The following L3MBTL1 variants were observed in gnomAD, a reference collection of about 807,000 sequenced individuals.
L3MBTL1 encodes lethal(3)malignant brain tumor-like protein 1.
In L3MBTL1, 75 loss-of-function variants were observed where a neutral mutation model predicts 105.3. The ratio of observed to expected loss-of-function variants is 0.71; its 90% CI spans 0.59 to 0.86. L3MBTL1 has a LOEUF of 0.86. L3MBTL1 is among the 40% of genes least tolerant of loss of function. The pLI, the probability that L3MBTL1 is intolerant of heterozygous loss-of-function variation, is 0.00. For missense variants in L3MBTL1, 1,069 were observed against 1,126.4 expected (o/e 0.95, Z 0.73); for synonymous variants, 452 against 436.2 (o/e 1.04, Z -0.45).
chr20:43,550,951 C>G (rs142373547), exon 19 of L3MBTL1: 2 of 152,150 alleles, frequency 1.3e-5, no homozygotes, highest in South Asian at 4.1e-4. Flanking sequence ...ACAACTGATA[C>G]GCAGCCAGAG....
chr20:43,515,350 A>G lies in L3MBTL1; in HGVS notation c.712A>G (p.Met238Val), dbSNP rs763554403. 1.4e-5 allele frequency: 22 copies of G among 1,576,128 alleles called. No individual in the cohort carries two copies. Among genetic ancestry groups the G allele is most frequent in the Non-Finnish European group, 1.8e-5 (21 of 1,159,422 alleles). Residue 238 changes from methionine (M) to valine (V), a missense_variant, in exon 6 of 22, where the codon ATG becomes GTG. Transcript: ENST00000418998. The part of the protein sequence containing the change: ...STSASELLKP[M>V]KKRKRREYQS... ...CAGCGCTTCTGAGCTCCTCAAACCC[A>G]TGAAGAAGAGGAAGCGCAGGGAATA...
At chr20:43,514,266 G>A in intron 3 of L3MBTL1, 1 of 777,594 alleles carries the variant, frequency 1.3e-6, no homozygotes, top group Non-Finnish European at 2.0e-6. Flanking sequence ...GCGTGGCTTG[G>A]AGTGAGGCAC....
chr20:43,514,302 G>A, intron 3 of L3MBTL1: 1 of 870,090 alleles, frequency 1.1e-6, no homozygotes, highest in East Asian at 2.7e-5. Context: ...GTGGGTGTCT[G>A]GGGGCGTGGC....
Position 43,534,356 on chromosome 20 carries a change from G to A in L3MBTL1, c.1672G>A (p.Val558Met), listed in dbSNP as rs369441284. 8.9e-5 allele frequency: 143 copies of A among 1,614,022 alleles called. No individual in the cohort carries two copies. The highest frequency in any genetic ancestry group is 1.1e-4 in the Non-Finnish European group (126 of 1,180,024). Residue 558 changes from valine (V) to methionine (M), a missense_variant, in exon 15 of 22, where the codon GTG becomes ATG. Coordinates refer to ENST00000418998, the MANE Select transcript of L3MBTL1 (RefSeq NM_001377303.1). ...VDRRNPALIR[V>M]ASVEDVEDHR... The stretch of plus-strand genomic sequence containing the variant: ...CCGCAGGAACCCAGCCCTGATTCGC[G>A]TGGCCAGCGTGGAGGATGTGGAGGA...
intron 16 of L3MBTL1, among the ~76,000 whole-genome samples, 197 bp from the exon 17 acceptor site, chr20:43,535,640 T>C (rs1568926710): frequency 6.6e-6 from 1 of 152,154 alleles, no homozygotes; most frequent in Non-Finnish European, 1.5e-5. Flanking sequence ...AGTATTAACA[T>C]ATGAGAGCTA....
At chr20:43,509,861 CTATTTATT>C (rs951060871) in intron 1 of L3MBTL1, among the ~76,000 whole-genome samples, 70 of 152,180 alleles carry the variant, frequency 4.6e-4, no homozygotes, top group African/African-American at 1.3e-3. Context: ...AAGATTAACT[CTATTTATT>C]TATTTATTTA....
At chr20:43,546,599 G>T (rs1371666667), downstream of L3MBTL1, among the ~76,000 whole-genome samples, 1 of 152,036 alleles carries the variant, frequency 6.6e-6, no homozygotes, top group Non-Finnish European at 1.5e-5. Flanking sequence ...AGCATAGGAG[G>T]GATGGCGTCT....
intron 19 of L3MBTL1, among the ~76,000 whole-genome samples, chr20:43,537,391 C>G (rs1431856645): frequency 6.6e-6 from 1 of 152,234 alleles, no homozygotes; most frequent in Non-Finnish European, 1.5e-5. Flanking sequence ...GGTCTTTCTT[C>G]TGTGCACAAG....
intron 3 of L3MBTL1, chr20:43,514,401 G>T: frequency 6.9e-7 from 1 of 1,439,130 alleles, no homozygotes; most frequent in South Asian, 1.5e-5. Flanking sequence ...TGGGAGCCTG[G>T]GGGCGTGGCT....
intron 4 of L3MBTL1, 101 bp from the exon 5 acceptor site, chr20:43,514,908 G>T: frequency 2.7e-6 from 4 of 1,486,056 alleles, no homozygotes; most frequent in Admixed American, 2.1e-5. Flanking sequence ...CATCCGATGC[G>T]GAGATGGACC....
At chr20:43,532,486 G>A (rs2019390623) in intron 11 of L3MBTL1, 1 of 351,990 alleles carries the variant, frequency 2.8e-6, no homozygotes, top group African/African-American at 2.1e-5. Context: ...TTTATACTTG[G>A]TTCACCAGGT....
intron 7 of L3MBTL1, among the ~76,000 whole-genome samples, chr20:43,522,613 C>T (rs1382789070): frequency 6.6e-6 from 1 of 150,484 alleles, no homozygotes; most frequent in Non-Finnish European, 1.5e-5. Context: ...GCTGAGACTA[C>T]AGGCGCACAC....
chr20:43,534,067 G>C lies in L3MBTL1; in HGVS notation c.1573G>C (p.Ala525Pro). 1.2e-6 allele frequency: 2 copies of C among 1,614,012 alleles called. No individual in the cohort carries two copies. The highest frequency in any genetic ancestry group is 1.7e-6 in the Non-Finnish European group (2 of 1,179,896). The change falls in exon 14 of 22, where the codon GCT becomes CCT. Residue 525 changes from alanine to proline, a missense_variant. By Grantham distance (27) the Ala-to-Pro change is conservative. Coordinates refer to ENST00000418998, the MANE Select transcript of L3MBTL1 (RefSeq NM_001377303.1). ...EKYLEETGAS[A>P]VPTWAFKVRP... Reference sequence around the variant, plus strand: ...ATATCTGGAAGAAACTGGGGCCTCTGCTGTCCCCACCTGGGCCTTCAAGGT... The same window carrying C: ...ATATCTGGAAGAAACTGGGGCCTCTCCTGTCCCCACCTGGGCCTTCAAGGT...
Position 43,515,117 on chromosome 20 carries a change from T to A in L3MBTL1, c.611T>A (p.Leu204His). ...CCTCACCAAGCCGCGGGTCCAGATC[T>A]TGGTTCCTCTAATGATGGCTGCCCT... Reference protein sequence around the residue: ...CGPHQAAGPDLGSSNDGCPQL... With the variant: ...CGPHQAAGPDHGSSNDGCPQL... Residue 204 changes from leucine (L) to histidine (H), a missense_variant, in exon 5 of 22, where the codon CTT (leucine) becomes CAT (histidine). Coordinates refer to ENST00000418998, the MANE Select transcript of L3MBTL1 (RefSeq NM_001377303.1). 11 of 1,614,118 alleles carry A rather than the reference T, an allele frequency of 6.8e-6. No homozygotes were observed. Among genetic ancestry groups the A allele is most frequent in the Non-Finnish European group, 9.3e-6 (11 of 1,180,002 alleles).
At chr20:43,520,831 A>G (rs1283494774) in intron 7 of L3MBTL1, among the ~76,000 whole-genome samples, 5 of 152,240 alleles carry the variant, frequency 3.3e-5, no homozygotes, top group Non-Finnish European at 1.5e-5. Flanking sequence ...AGTACCAGAC[A>G]TGGATCAGCA....
At chr20:43,510,095 C>T (rs1287148167) in intron 1 of L3MBTL1, among the ~76,000 whole-genome samples, 1 of 152,096 alleles carries the variant, frequency 6.6e-6, no homozygotes, top group African/African-American at 2.4e-5. Context: ...GAACTCCTGG[C>T]CTCAAGTGAT....
intron 10 of L3MBTL1, 141 bp from the exon 11 acceptor site, chr20:43,530,657 T>C: frequency 1.2e-6 from 1 of 838,968 alleles, no homozygotes; most frequent in Non-Finnish European, 2.0e-6. Context: ...CCTGCTTCAG[T>C]AGTGGGGAAT....
Position 43,530,619 on chromosome 20 carries a change from G to T in L3MBTL1, c.1193-179G>T, listed in dbSNP as rs968271227. The T allele has an allele frequency of 9.1e-6, 7 of 772,440 alleles. No homozygotes were observed. In the African/African-American group the frequency reaches 1.2e-4, roughly 14 times the overall value. 47.8% of individuals were successfully genotyped at this position (772,440 alleles called of 1,614,324 possible). A position where few individuals can be genotyped will look rare whatever the true frequency, so the allele number is the denominator to read the frequency against. ...GCCCTAGAACTTCCGCTTTGCACTT[G>T]CCCTTTGAGTGTCTACTCAAGTCGT... On this transcript the variant is annotated intron_variant, in intron 10 of 21. Coordinates refer to ENST00000418998, the MANE Select transcript of L3MBTL1 (RefSeq NM_001377303.1).
Position 43,534,852 on chromosome 20 carries a change from G to A in L3MBTL1, c.1735G>A (p.Gly579Ser), listed in dbSNP as rs747491398. 6.2e-7 allele frequency: 1 copy of A among 1,611,692 alleles called. No homozygotes were observed. Among genetic ancestry groups the A allele is most frequent in the Non-Finnish European group, 8.5e-7 (1 of 1,179,588 alleles). ...GATCCACTTTGATGGCTGGAGTCATGGCTATGATTTCTGGATCGACGCTGA... is the reference window on the plus strand; with the variant it reads ...GATCCACTTTGATGGCTGGAGTCATAGCTATGATTTCTGGATCGACGCTGA... ...IKIHFDGWSHGYDFWIDADHP... is the reference protein window; with the variant it reads ...IKIHFDGWSHSYDFWIDADHP... The change falls in exon 16 of 22, where the codon GGC (glycine) becomes AGC (serine). Residue 579 changes from glycine (G) to serine (S), a missense_variant. Transcript: ENST00000418998.
Sources: gnomAD v4.1 joint callset for allele counts (sites outside exome capture counted in the v4.1 genomes callset) on GRCh38, gnomAD v4.1.1 for gene constraint, MANE v1.5 for transcripts, NCBI Gene and HGNC (gene_info 2026-07-23, HGNC 2026-07-21) for gene names.